Variants in ROBO2 observed in about 807,000 individuals in gnomAD.
ROBO2 encodes the protein roundabout homolog 2.
A neutral mutation model predicts 160.8 loss-of-function variants in ROBO2; 53 were observed. That is an observed-to-expected ratio of 0.33 (90% CI 0.26 to 0.41). The LOEUF is 0.41. Among genes scored for constraint, ROBO2 ranks in the 10% least tolerant of loss-of-function variants. ROBO2 has a pLI of 1.00. For missense variants in ROBO2, 1,577 were observed against 1,722.4 expected (o/e 0.92, Z 1.49); for synonymous variants, 664 against 611.7 (o/e 1.09, Z -1.26).
chr3:77,219,129 C>T (rs1197233866), intron 2 of ROBO2, among the ~76,000 whole-genome samples: 1 of 151,710 alleles, frequency 6.6e-6, no homozygotes, highest in African/African-American at 2.4e-5. Context: ...CCAGCACGCC[C>T]CGCTAATTTT....
chr3:76,433,888 T>C (rs935580965), intron 2 of ROBO2: 27 of 587,640 alleles, frequency 4.6e-5, no homozygotes, highest in African/African-American at 4.1e-4. Flanking sequence ...CTTTGAAGTT[T>C]GCAAGCTGTT....
intron 12 of ROBO2, 149 bp from the exon 14 acceptor site, chr3:77,568,164 T>A: frequency 1.3e-6 from 1 of 763,350 alleles, no homozygotes; most frequent in South Asian, 1.6e-5. Flanking sequence ...TATTTATATA[T>A]ATAGGCTTAA....
chr3:76,089,437 A>T (rs1340760248), intron 2 of ROBO2, among the ~76,000 whole-genome samples: 1 of 152,124 alleles, frequency 6.6e-6, no homozygotes, highest in Non-Finnish European at 1.5e-5. Flanking sequence ...TACTCAACAA[A>T]ATATTAGCAA....
chr3:77,297,151 G>C (rs1422845194), intron 2 of ROBO2, among the ~76,000 whole-genome samples: 1 of 152,056 alleles, frequency 6.6e-6, no homozygotes, highest in East Asian at 1.9e-4. Context: ...GCCACCACAG[G>C]TGGATCTGAG....
In ROBO2 at chr3:76,053,907, C is replaced by T. The variant is rs116605199; in HGVS notation, c.109+116305C>T. On this transcript the variant is annotated intron_variant, in intron 2 of 26. Transcript: ENST00000487694. ...TCAGAGCTTTTTATAGTTTAATAAA[C>T]ATTTGCCTATTTCCCAAAAATATCA... 3.5e-3 allele frequency among the ~76,000 whole-genome samples: 538 copies of T among 152,078 alleles called. 4 individuals carry two copies. The highest frequency in any genetic ancestry group is 0.012 in the African/African-American group (514 of 41,510).
At chr3:76,700,625 T>A (rs1012351418) in intron 2 of ROBO2, among the ~76,000 whole-genome samples, 4 of 152,128 alleles carry the variant, frequency 2.6e-5, no homozygotes, top group African/African-American at 9.7e-5. Context: ...TAGCCTAATA[T>A]CCACATTGGA....
In ROBO2 at chr3:77,645,879, C is replaced by A. The variant is rs2095408385; in HGVS notation, c.4136-175C>A. ...ACATTTCCAAATTCTATAGTGTTTT[C>A]TTTCCTTTTACTCTTTGATCATCTC... is the stretch of plus-strand genomic sequence containing the variant. On this transcript the variant is annotated intron_variant, in intron 25 of 25. Transcript: ENST00000461745. Among the ~76,000 whole-genome samples, 5 of 151,940 alleles carry A rather than the reference C, an allele frequency of 3.3e-5. No individual in the cohort carries two copies. In the South Asian group the frequency reaches 1.0e-3, roughly 32 times the overall value.
chr3:76,750,625 AT>A (rs1005269235), intron 2 of ROBO2, among the ~76,000 whole-genome samples: 3 of 152,140 alleles, frequency 2.0e-5, no homozygotes, highest in African/African-American at 7.2e-5. Flanking sequence ...ATGTGCAAAA[AT>A]CACAAGCATT....
chr3:76,391,722 G>C lies in ROBO2; in HGVS notation c.109+454120G>C, dbSNP rs147386950. 1.2e-3 allele frequency among the ~76,000 whole-genome samples: 190 copies of C among 152,176 alleles called. 1 individual carries two copies. The highest frequency in any genetic ancestry group is 4.4e-3 in the African/African-American group (182 of 41,512). On this transcript the variant is annotated intron_variant, in intron 2 of 26. Coordinates refer to the ROBO2 transcript ENST00000487694. ...GACGGGGTTTCACCATGTTGGCCAGGCTTGTCTCGAACTCCTGACCTTGTG... is the reference window on the plus strand; with the variant it reads ...GACGGGGTTTCACCATGTTGGCCAGCCTTGTCTCGAACTCCTGACCTTGTG...
At chr3:77,228,060 T>C (rs1459426172) in intron 2 of ROBO2, among the ~76,000 whole-genome samples, 1 of 152,222 alleles carries the variant, frequency 6.6e-6, no homozygotes, top group Non-Finnish European at 1.5e-5. Flanking sequence ...CAGAGACTGA[T>C]ATAATTGATC....
intron 1 of ROBO2, among the ~76,000 whole-genome samples, chr3:77,086,161 C>T (rs1003556508): frequency 2.0e-5 from 3 of 151,930 alleles, no homozygotes; most frequent in Admixed American, 2.0e-4. Context: ...TCTTATAGAT[C>T]GTGGTTCATT....
At chr3:76,356,929 TAA>T (rs1409928717) in intron 2 of ROBO2, among the ~76,000 whole-genome samples, 3 of 151,920 alleles carry the variant, frequency 2.0e-5, no homozygotes, top group Non-Finnish European at 4.4e-5. Context: ...AGTATTAAAT[TAA>T]AAGTCACATG....
At chr3:77,561,621 C>G (rs150892149) in intron 9 of ROBO2, among the ~76,000 whole-genome samples, 173 of 152,152 alleles carry the variant, frequency 1.1e-3, no homozygotes, top group African/African-American at 4.0e-3. Context: ...GATGAAATGG[C>G]AAGTTTTTAT....
chr3:76,689,691 A>C (rs2092759740), intron 2 of ROBO2, among the ~76,000 whole-genome samples: 1 of 152,164 alleles, frequency 6.6e-6, no homozygotes, highest in Admixed American at 6.6e-5. Context: ...CATGGGAGAG[A>C]TTATGTAGCC....
intron 2 of ROBO2, among the ~76,000 whole-genome samples, chr3:76,446,969 A>G (rs1362485790): frequency 2.0e-5 from 3 of 152,246 alleles, no homozygotes; most frequent in Non-Finnish European, 4.4e-5. Context: ...ACCATTCAGG[A>G]CATAGGCATG....
intron 2 of ROBO2, among the ~76,000 whole-genome samples, chr3:76,170,967 T>C (rs2073018561): frequency 6.6e-6 from 1 of 152,192 alleles, no homozygotes. Flanking sequence ...ATATGTGCTA[T>C]ATGCACATTC....
chr3:75,945,012 G>T (rs1576248334), intron 2 of ROBO2, among the ~76,000 whole-genome samples: 1 of 152,010 alleles, frequency 6.6e-6, no homozygotes, highest in African/African-American at 2.4e-5. Flanking sequence ...TTCTCAAACT[G>T]CACTATAATG....
chr3:77,612,829 C>T (rs1238872769), intron 21 of ROBO2, among the ~76,000 whole-genome samples: 2 of 151,844 alleles, frequency 1.3e-5, no homozygotes, highest in East Asian at 3.9e-4. Flanking sequence ...GCCTGTAGTC[C>T]CAGCTACCAG....
intron 2 of ROBO2, among the ~76,000 whole-genome samples, chr3:77,026,455 A>G (rs1016943217): frequency 6.6e-6 from 1 of 152,212 alleles, no homozygotes; most frequent in East Asian, 1.9e-4. Flanking sequence ...ATGATGGGTT[A>G]GACCAGATGT....
Sources: allele counts gnomAD v4.1 joint callset (sites outside exome capture counted in the v4.1 genomes callset), GRCh38; gene constraint gnomAD v4.1.1; transcripts MANE v1.5; gene names NCBI Gene and HGNC (gene_info 2026-07-23, HGNC 2026-07-21).